ALDH1L2: variants seen among roughly 807,000 people sequenced by gnomAD.
ALDH1L2 encodes the protein aldehyde dehydrogenase 1 family member L2, also known as mitochondrial 10-formyltetrahydrofolate dehydrogenase.
Under a neutral mutation model 111.0 loss-of-function variants are expected in ALDH1L2, and 91 were observed. The ratio of observed to expected loss-of-function variants is 0.82; its 90% CI spans 0.69 to 0.98. The LOEUF (loss-of-function observed/expected upper bound fraction) is 0.98. ALDH1L2 is among the 50% of genes least tolerant of loss of function. ALDH1L2 has a pLI of 0.00. For missense variants in ALDH1L2, 995 were observed against 1,126.8 expected, an observed-to-expected ratio of 0.88 and a Z score of 1.67; for synonymous variants, 374 against 392.6, an observed-to-expected ratio of 0.95 and a Z score of 0.56.
intron 6 of ALDH1L2, 40 bp downstream of exon 6, chr12:105,065,227 A>C: frequency 3.5e-6 from 4 of 1,134,602 alleles, no homozygotes; most frequent in Non-Finnish European, 3.6e-6. Context: ...AAAGGTAATA[A>C]TCGGGGAGGG....
In ALDH1L2 at chr12:105,036,830, A is replaced by G. The variant is rs1592769744; in HGVS notation, c.2145+1273T>C. Reference sequence around the variant, plus strand: ...GTTAAAACAGACTCTTTAAGGTTATATATTCCTAACCCAGACATCCAGGGG... The same window carrying G: ...GTTAAAACAGACTCTTTAAGGTTATGTATTCCTAACCCAGACATCCAGGGG... On this transcript the variant is annotated intron_variant, in intron 18 of 22. Coordinates refer to ENST00000258494, the MANE Select transcript of ALDH1L2 (RefSeq NM_001034173.4). Among the ~76,000 whole-genome samples the G allele has an allele frequency of 3.3e-5, 5 of 152,070 alleles. No individual in the cohort carries two copies. The South Asian group carries it at 8.3e-4, about 25-fold the overall frequency.
intron 16 of ALDH1L2, among the ~76,000 whole-genome samples, chr12:105,040,149 A>AAAACG (rs1875445424): frequency 6.9e-6 from 1 of 145,668 alleles, no homozygotes; most frequent in Non-Finnish European, 1.5e-5. Context: ...AAAAAAAAAA[A>AAAACG]AAACCTTACT....
chr12:105,052,074 T>TA lies in ALDH1L2; in HGVS notation c.1535+15dup. 6.4e-7 allele frequency: 1 copy of TA among 1,568,042 alleles called. No homozygotes were observed. Among genetic ancestry groups the TA allele is most frequent in the Non-Finnish European group, 8.6e-7 (1 of 1,162,372 alleles). On this transcript the variant is annotated intron_variant, in intron 12 of 22. Coordinates refer to ENST00000258494, the MANE Select transcript of ALDH1L2 (RefSeq NM_001034173.4). ...GTTACTTTTCTAAAAAATAAAAAAA[T>TA]AAAAAATAGAAATACCTATACATCA...
intron 10 of ALDH1L2, 136 bp downstream of exon 10, chr12:105,057,937 A>G (rs1337056151): frequency 9.2e-7 from 1 of 1,085,734 alleles, no homozygotes; most frequent in East Asian, 2.8e-5. Context: ...ATTTTATGCC[A>G]TCTGAATTAG....
At chr12:105,053,888 G>A (rs1253486877) in intron 10 of ALDH1L2, among the ~76,000 whole-genome samples, 1 of 151,328 alleles carries the variant, frequency 6.6e-6, no homozygotes, top group Non-Finnish European at 1.5e-5. Context: ...TATAAATTGG[G>A]TGATATGAGT....
chr12:105,053,095 C>T (rs1440260634), intron 10 of ALDH1L2, among the ~76,000 whole-genome samples, 164 bp from the exon 11 acceptor site: 1 of 152,220 alleles, frequency 6.6e-6, no homozygotes, highest in African/African-American at 2.4e-5. Flanking sequence ...CCTCAAGATG[C>T]TTGCCTTGGC....
intron 11 of ALDH1L2, 63 bp from the exon 12 acceptor site, chr12:105,052,280 A>T: frequency 6.9e-7 from 1 of 1,446,578 alleles, no homozygotes; most frequent in Non-Finnish European, 9.2e-7. Flanking sequence ...CTTGGAATTA[A>T]TATTGTATTA....
At position 105,084,458 on chromosome 12, in the gene ALDH1L2, T is replaced by A; in HGVS notation, c.-22A>T. 2.1e-6 allele frequency: 3 copies of A among 1,407,936 alleles called. No homozygotes were observed. Among genetic ancestry groups the A allele is most frequent in the Non-Finnish European group, 2.8e-6 (3 of 1,086,502 alleles). The allele number at this position is 1,407,936 out of a possible 1,614,324, so 87.2% of individuals were successfully genotyped here. On this transcript the variant is annotated 5_prime_UTR_variant, in exon 1 of 23. Transcript: ENST00000258494. ...GCATGCTGGAGAGGAGCGCTAGCAC[T>A]GGCGACGCGGCAGCGCGGGAGGCAG...
intron 2 of ALDH1L2, among the ~76,000 whole-genome samples, chr12:105,073,220 A>G (rs1426579167): frequency 6.6e-6 from 1 of 152,210 alleles, no homozygotes; most frequent in African/African-American, 2.4e-5. Flanking sequence ...AGGCTTAGTA[A>G]GATTAAGTAA....
chr12:105,071,438 C>T (rs1228165465), intron 2 of ALDH1L2, among the ~76,000 whole-genome samples: 1 of 147,810 alleles, frequency 6.8e-6, no homozygotes, highest in Non-Finnish European at 1.5e-5. Context: ...CTGAGAAGAG[C>T]GCTGTCCCCT....
chr12:105,032,174 C>CTT (rs59767606), intron 19 of ALDH1L2, among the ~76,000 whole-genome samples: 13 of 105,970 alleles, frequency 1.2e-4, no homozygotes, highest in East Asian at 3.1e-4. Flanking sequence ...CCTCGAACTT[C>CTT]TTTTTTTTTT....
intron 10 of ALDH1L2, among the ~76,000 whole-genome samples, chr12:105,056,948 T>C (rs939874028): frequency 3.3e-5 from 5 of 150,414 alleles, no homozygotes; most frequent in African/African-American, 1.2e-4. Context: ...CTGTTGTGTG[T>C]CAAAGGACAC....
chr12:105,027,689 A>G (rs1874484267), intron 21 of ALDH1L2, among the ~76,000 whole-genome samples: 1 of 152,250 alleles, frequency 6.6e-6, no homozygotes, highest in African/African-American at 2.4e-5. Context: ...AAAGCCAGCT[A>G]TCATCAGGTA....
At chr12:105,041,853 A>T (rs1179248058) in intron 15 of ALDH1L2, among the ~76,000 whole-genome samples, 1 of 142,048 alleles carries the variant, frequency 7.0e-6, no homozygotes, top group South Asian at 2.5e-4. Flanking sequence ...GCCCCTTATC[A>T]TTCTGACGTG....
rs879041030 is a variant in ALDH1L2 at position 105,038,305 on chromosome 12, C to A, written c.2046-103G>T. On this transcript the variant is annotated intron_variant, in intron 17 of 22. Transcript: ENST00000258494. ...ACACACACACACACACACACACACA[C>A]ACACACACACACACACACTTTTTAA... is the stretch of plus-strand genomic sequence containing the variant. 350 of 666,666 alleles carry A rather than the reference C, an allele frequency of 5.3e-4. 5 individuals are homozygous for A. The South Asian group carries it at 6.1e-3, about 12-fold the overall frequency. The allele number at this position is 666,666 out of a possible 1,614,324, so 41.3% of individuals were successfully genotyped here.
At chr12:105,050,149 G>T in intron 12 of ALDH1L2, 91 bp from the exon 13 acceptor site, 1 of 1,277,598 alleles carries the variant, frequency 7.8e-7, no homozygotes, top group Non-Finnish European at 1.0e-6. Flanking sequence ...AGAATTCAGA[G>T]GTAAACACAT....
Position 105,071,680 on chromosome 12 carries a change from G to A in ALDH1L2, c.194-876C>T, listed in dbSNP as rs1459060862. ...TTTTTTTTTTTTTTTTTTGTGAGAC[G>A]GAGTCTCGCTCTTTCGCCCAGGCCG... On this transcript the variant is annotated intron_variant, in intron 2 of 22. Coordinates refer to ENST00000258494, the MANE Select transcript of ALDH1L2 (RefSeq NM_001034173.4). 8.6e-5 allele frequency among the ~76,000 whole-genome samples: 5 copies of A among 58,342 alleles called. No homozygotes were observed. In the East Asian group the frequency reaches 1.8e-3, roughly 22 times the overall value. The allele number at this position is 58,342 out of a possible 152,430, so 38.3% of individuals were successfully genotyped here. A position where few individuals can be genotyped will look rare whatever the true frequency, so the allele number is the denominator to read the frequency against.
At chr12:105,062,291 CA>C (rs1694387645) in intron 7 of ALDH1L2, among the ~76,000 whole-genome samples, 2 of 152,162 alleles carry the variant, frequency 1.3e-5, no homozygotes, top group Non-Finnish European at 1.5e-5. Flanking sequence ...TGCTCAGTGC[CA>C]CACAGACAGT....
At position 105,043,120 on chromosome 12, in the gene ALDH1L2, A is replaced by C. The variant is rs909460755; in HGVS notation, c.1864-2426T>G. ...CAGTCTGAATGAAGGTCATATGGTCATGGGTCACAAAGGTACAGGCAGTGT... is the reference window on the plus strand; with the variant it reads ...CAGTCTGAATGAAGGTCATATGGTCCTGGGTCACAAAGGTACAGGCAGTGT... On this transcript the variant is annotated intron_variant, in intron 15 of 22. Coordinates refer to ENST00000258494, the MANE Select transcript of ALDH1L2 (RefSeq NM_001034173.4). 3.9e-5 allele frequency among the ~76,000 whole-genome samples: 6 copies of C among 152,206 alleles called. No individual in the cohort carries two copies. In the South Asian group the frequency reaches 6.2e-4, roughly 16 times the overall value.
Sources: allele counts gnomAD v4.1 joint callset (sites outside exome capture counted in the v4.1 genomes callset), GRCh38; gene constraint gnomAD v4.1.1; transcripts MANE v1.5; gene names NCBI Gene and HGNC (gene_info 2026-07-23, HGNC 2026-07-21).